Variants in ANKRD11 observed in about 807,000 individuals in gnomAD.
ANKRD11 encodes ankyrin repeat domain 11.
In ANKRD11, 17 loss-of-function variants were observed where a neutral mutation model predicts 195.7. The ratio of observed to expected loss-of-function variants is 0.09; its 90% CI spans 0.06 to 0.13. The LOEUF (loss-of-function observed/expected upper bound fraction) is 0.13, where lower values mean the gene tolerates loss of function less well. Among genes scored for constraint, ANKRD11 ranks in the 10% least tolerant of loss-of-function variants. The pLI is 1.00. For missense variants in ANKRD11, 3,735 were observed against 3,566.1 expected (o/e 1.05, Z -1.21); for synonymous variants, 1,953 against 1,528.1 (o/e 1.28, Z -6.49).
intron 3 of ANKRD11, among the ~76,000 whole-genome samples, chr16:89,306,638 C>T (rs369835420): frequency 9.2e-6 from 1 of 108,542 alleles, no homozygotes. Flanking sequence ...CCTCCCACTC[C>T]GCAGACACGC....
chr16:89,477,159 G>C (rs1011767843), intron 1 of ANKRD11, among the ~76,000 whole-genome samples: 2 of 150,912 alleles, frequency 1.3e-5, no homozygotes, highest in African/African-American at 4.9e-5. Context: ...AGGCACAATA[G>C]AAGTATAAAA....
intron 1 of ANKRD11, among the ~76,000 whole-genome samples, chr16:89,487,185 C>T (rs2057646711): frequency 7.9e-5 from 12 of 152,192 alleles, no homozygotes; most frequent in Admixed American, 7.9e-4. Flanking sequence ...CAAACTGACG[C>T]AGCCACCAGA....
At chr16:89,307,211 C>T (rs1004575270) in intron 3 of ANKRD11, among the ~76,000 whole-genome samples, 2 of 152,188 alleles carry the variant, frequency 1.3e-5, no homozygotes, top group Admixed American at 1.3e-4. Flanking sequence ...TTCAGAGCAC[C>T]GGAGGCCTCA....
intron 2 of ANKRD11, among the ~76,000 whole-genome samples, chr16:89,378,966 T>A (rs1197905581): frequency 6.6e-6 from 1 of 152,010 alleles, no homozygotes; most frequent in Non-Finnish European, 1.5e-5. Context: ...CCTTTTTGGG[T>A]CAAGGTTCTG....
chr16:89,376,703 T>C (rs576696375), intron 2 of ANKRD11, among the ~76,000 whole-genome samples: 1 of 152,338 alleles, frequency 6.6e-6, no homozygotes, highest in African/African-American at 2.4e-5. Context: ...CCTCCCTAAG[T>C]GCTGGGATTA....
chr16:89,331,887 G>A (rs553139526), intron 2 of ANKRD11, among the ~76,000 whole-genome samples: 4 of 151,474 alleles, frequency 2.6e-5, no homozygotes, highest in South Asian at 2.1e-4. Context: ...CCGGGTTAAC[G>A]GGCTGGGGTG....
chr16:89,376,450 T>TCA (rs1170400806), intron 2 of ANKRD11, among the ~76,000 whole-genome samples: 1 of 152,162 alleles, frequency 6.6e-6, no homozygotes, highest in Non-Finnish European at 1.5e-5. Flanking sequence ...TTGTTTTTGT[T>TCA]TTTTTGAGTC....
At chr16:89,326,960 T>C (rs1204528049) in intron 2 of ANKRD11, among the ~76,000 whole-genome samples, 1 of 150,954 alleles carries the variant, frequency 6.6e-6, no homozygotes, top group African/African-American at 2.5e-5. Context: ...GAAAAGCAGG[T>C]ACAGCAAGAA....
Position 89,301,274 on chromosome 16 carries a change from T to A in ANKRD11, c.226+3932A>T, listed in dbSNP as rs1216065345. 1.6e-5 allele frequency: 6 copies of A among 375,132 alleles called. No homozygotes were observed. The East Asian group carries it at 2.0e-4, about 12-fold the overall frequency. The allele number at this position is 375,132 out of a possible 1,614,324, so 23.2% of individuals were successfully genotyped here. ...GCCACTGTGCCTGGCTACTTTTAGA[T>A]TTTTTAAGTTTTGGGAAACCTTACA... On this transcript the variant is annotated intron_variant, in intron 4 of 12. Coordinates refer to ENST00000301030, the MANE Select transcript of ANKRD11 (RefSeq NM_013275.6).
In ANKRD11 at chr16:89,283,725, C is replaced by G. The variant is rs1347457924; in HGVS notation, c.2817G>C (p.Lys939Asn). The change falls in exon 9 of 13, where the codon AAG becomes AAC. Residue 939 changes from lysine to asparagine, a missense_variant. Physicochemically the swap from Lys to Asn is moderately conservative, Grantham distance 94 (BLOSUM62 0). Transcript: ENST00000301030. This position sits in a 1 kb window ranked among gnomAD's most constrained non-coding sequence, Gnocchi z 4.3. The stretch of plus-strand genomic sequence containing the variant: ...CGGCCTCTGCGGACTCTCTCCTCTT[C>G]TTGTCCTTTTCCGAAAGGTAGCCAG... ...SVPGYLSEKDKKRRESAEAGR... is the reference protein window; with the variant it reads ...SVPGYLSEKDNKRRESAEAGR... 6.2e-7 allele frequency: 1 copy of G among 1,613,988 alleles called. No individual in the cohort carries two copies.
At chr16:89,490,126 G>A (rs1481327444) in intron 1 of ANKRD11, 119 bp downstream of exon 1, 1 of 64,472 alleles carries the variant, frequency 1.6e-5, no homozygotes, top group Non-Finnish European at 3.4e-5. Flanking sequence ...CGACCCCCCA[G>A]GCCCGCCCGG....
intron 2 of ANKRD11, chr16:89,320,253 C>CAG (rs2037224337): frequency 6.6e-6 from 1 of 152,264 alleles, no homozygotes; most frequent in Non-Finnish European, 1.5e-5. Flanking sequence ...GACCACACAA[C>CAG]AGAAGGCACC....
rs755930137 is a variant in ANKRD11 at position 89,290,722 on chromosome 16, T to C, written c.504A>G (p.Gly168=). Residue 168 remains glycine, a synonymous_variant, in exon 6 of 13, where the codon GGA becomes GGG. Coordinates refer to ENST00000301030, the MANE Select transcript of ANKRD11 (RefSeq NM_013275.6). ...KDKVNKRNER[G]ETRLHRAAIR... is the part of the protein sequence containing the mutation. ...TGGCGGCTCGGTGCAGGCGGGTCTC[T>C]CCACGCTCGTTTCTCTTGTTCACTT... 1.2e-6 allele frequency: 2 copies of C among 1,613,742 alleles called. No individual in the cohort carries two copies. The highest frequency in any genetic ancestry group is 1.1e-5 in the South Asian group (1 of 91,088).
At position 89,274,795 on chromosome 16, in the gene ANKRD11, G is replaced by C; in HGVS notation, c.7713+19C>G. The C allele has an allele frequency of 6.2e-7, 1 of 1,607,486 alleles. No homozygotes were observed. The highest frequency in any genetic ancestry group is 8.5e-7 in the Non-Finnish European group (1 of 1,179,806). On this transcript the variant is annotated intron_variant, in intron 11 of 12. Transcript: ENST00000301030. ...GCAGGCACTTGGACTCATGGGCCTG[G>C]CATGCAGACGGGCCCTACCTGGCTC...
In ANKRD11 at chr16:89,290,840, G is replaced by T. The variant is rs867255024; in HGVS notation, c.398-12C>A. ...TGGTGTTGTGTCCACTGCAGGCCAA[G>T]GAGGGGACAGATGGGCATTACTGTG... On this transcript the variant is annotated splice_polypyrimidine_tract_variant and intron_variant, in intron 5 of 12. Coordinates refer to ENST00000301030, the MANE Select transcript of ANKRD11 (RefSeq NM_013275.6). 6.2e-7 allele frequency: 1 copy of T among 1,613,104 alleles called. No homozygotes were observed. The highest frequency in any genetic ancestry group is 8.5e-7 in the Non-Finnish European group (1 of 1,179,992).
intron 2 of ANKRD11, among the ~76,000 whole-genome samples, chr16:89,385,623 C>T (rs2040874399): frequency 6.6e-6 from 1 of 152,216 alleles, no homozygotes; most frequent in South Asian, 2.1e-4. Flanking sequence ...AACACACTCA[C>T]GATGATGCAT....
intron 2 of ANKRD11, chr16:89,370,814 A>C (rs1481075625): frequency 6.6e-6 from 1 of 152,656 alleles, no homozygotes; most frequent in Non-Finnish European, 1.5e-5. Flanking sequence ...TGTCAGCCCC[A>C]GACGACCCCC....
At chr16:89,435,945 G>A (rs975305521) in intron 1 of ANKRD11, among the ~76,000 whole-genome samples, 4 of 152,120 alleles carry the variant, frequency 2.6e-5, no homozygotes, top group African/African-American at 9.7e-5. Context: ...CAAGTTTCAA[G>A]AACAGCCAGT....
chr16:89,389,754 A>T (rs1022781986), intron 2 of ANKRD11, among the ~76,000 whole-genome samples: 1 of 149,398 alleles, frequency 6.7e-6, no homozygotes, highest in Non-Finnish European at 1.5e-5. Context: ...TGTGGCGGGG[A>T]GCACCGAGAG....
Sources: allele counts gnomAD v4.1 joint callset (sites outside exome capture counted in the v4.1 genomes callset), GRCh38; gene constraint gnomAD v4.1.1; non-coding constraint Gnocchi (gnomAD v3.1); transcripts MANE v1.5; gene names NCBI Gene and HGNC (gene_info 2026-07-23, HGNC 2026-07-21).